CSNK2A2IP: variants seen among roughly 807,000 people sequenced by gnomAD.
CSNK2A2IP encodes the protein casein kinase 2 subunit alpha' interacting protein, also known as casein kinase II subunit alpha'-interacting protein.
the CSNK2A2IP span, among the ~76,000 whole-genome samples, chr3:88,427,447 T>C: frequency 2.0e-5 from 3 of 152,216 alleles, no homozygotes; most frequent in Non-Finnish European, 2.9e-5. Context: ...AGCCAAATGT[T>C]AGTCATCAGG....
the CSNK2A2IP span, among the ~76,000 whole-genome samples, chr3:88,428,150 G>T: frequency 6.6e-6 from 1 of 152,148 alleles, no homozygotes; most frequent in Non-Finnish European, 1.5e-5. Context: ...AGAGCTTTAA[G>T]ATTTGGCTGC....
At chr3:88,369,472 G>A in the CSNK2A2IP span, among the ~76,000 whole-genome samples, 1 of 151,920 alleles carries the variant, frequency 6.6e-6, no homozygotes, top group Non-Finnish European at 1.5e-5. Flanking sequence ...CTGAAAGACT[G>A]CTACAGCGTC....
the CSNK2A2IP span, among the ~76,000 whole-genome samples, chr3:88,412,370 A>G: frequency 6.6e-6 from 1 of 151,954 alleles, no homozygotes; most frequent in Non-Finnish European, 1.5e-5. Flanking sequence ...CATTGGGATC[A>G]TTCTTCTGGA....
chr3:88,443,604 T>C, the CSNK2A2IP span, among the ~76,000 whole-genome samples: 1 of 152,144 alleles, frequency 6.6e-6, no homozygotes, highest in Admixed American at 6.6e-5. Flanking sequence ...AGATGGCCTT[T>C]TATGTCCAGA....
chr3:88,375,831 G>A, the CSNK2A2IP span, among the ~76,000 whole-genome samples: 891 of 151,770 alleles, frequency 5.9e-3, 6 homozygotes, highest in African/African-American at 0.019. Context: ...AAGACACCAT[G>A]CTCTCTTTTT....
chr3:88,437,182 T>C, the CSNK2A2IP span, among the ~76,000 whole-genome samples: 5 of 152,208 alleles, frequency 3.3e-5, no homozygotes, highest in Admixed American at 2.6e-4. Context: ...TTCACACTTA[T>C]GTACATTTTC....
chr3:88,341,806 GTAAC>G, the CSNK2A2IP span, among the ~76,000 whole-genome samples: 4 of 151,922 alleles, frequency 2.6e-5, no homozygotes, highest in East Asian at 5.8e-4. Context: ...TTTCTGAAAA[GTAAC>G]TAGTTGAGAA....
chr3:88,396,837 T>G, the CSNK2A2IP span, among the ~76,000 whole-genome samples: 1 of 152,078 alleles, frequency 6.6e-6, no homozygotes, highest in Admixed American at 6.5e-5. Flanking sequence ...GAGAGGACAG[T>G]TAAGCGGGTA....
At chr3:88,465,352 C>T in the CSNK2A2IP span, 3 of 1,231,232 alleles carry the variant, frequency 2.4e-6, no homozygotes, top group African/African-American at 4.7e-5. Flanking sequence ...TCTACTACAA[C>T]ACAAGATGGT....
the CSNK2A2IP span, among the ~76,000 whole-genome samples, chr3:88,346,211 A>T: frequency 6.6e-6 from 1 of 152,004 alleles, no homozygotes; most frequent in Non-Finnish European, 1.5e-5. Flanking sequence ...TGGTTATAAG[A>T]TTCAAGGAAA....
the CSNK2A2IP span, among the ~76,000 whole-genome samples, chr3:88,375,429 G>C: frequency 6.6e-6 from 1 of 151,756 alleles, no homozygotes; most frequent in African/African-American, 2.4e-5. Flanking sequence ...TAGTATTTTA[G>C]AGGAGAAGTT....
the CSNK2A2IP span, among the ~76,000 whole-genome samples, chr3:88,357,819 A>T: frequency 6.6e-6 from 1 of 151,486 alleles, no homozygotes; most frequent in South Asian, 2.1e-4. Flanking sequence ...CAGTGGCATG[A>T]TCTTGGCTCA....
the CSNK2A2IP span, among the ~76,000 whole-genome samples, chr3:88,344,328 G>A: frequency 7.2e-5 from 11 of 151,890 alleles, no homozygotes; most frequent in South Asian, 6.2e-4. Context: ...TGCAATGAAG[G>A]CATGTGTCTT....
the CSNK2A2IP span, among the ~76,000 whole-genome samples, chr3:88,349,010 C>G: frequency 6.6e-6 from 1 of 151,964 alleles, no homozygotes; most frequent in Admixed American, 6.6e-5. Flanking sequence ...CCACCCTAAT[C>G]CAGGCTCTAT....
At chr3:88,464,146 C>T in the CSNK2A2IP span, among the ~76,000 whole-genome samples, 60 of 139,158 alleles carry the variant, frequency 4.3e-4, no homozygotes, top group African/African-American at 1.4e-3. Context: ...GGGAACATCA[C>T]ACACCGGGGA....
chr3:88,438,650 C>A, the CSNK2A2IP span, among the ~76,000 whole-genome samples: 1 of 152,206 alleles, frequency 6.6e-6, no homozygotes, highest in South Asian at 2.1e-4. Context: ...TCCACTAATT[C>A]TGTAACTGTT....
chr3:88,463,374 C>T, the CSNK2A2IP span, among the ~76,000 whole-genome samples: 1 of 151,428 alleles, frequency 6.6e-6, no homozygotes, highest in Non-Finnish European at 1.5e-5. Flanking sequence ...TAGCATAGGT[C>T]GCTTTGTTGA....
the CSNK2A2IP span, among the ~76,000 whole-genome samples, chr3:88,458,141 G>GTTTT: frequency 1.3e-4 from 11 of 83,304 alleles, 2 homozygotes; most frequent in South Asian, 4.2e-4. Flanking sequence ...TGTAATTGTG[G>GTTTT]TTTTTTTTTT....
the CSNK2A2IP span, among the ~76,000 whole-genome samples, chr3:88,401,813 G>GA: frequency 2.6e-5 from 4 of 151,888 alleles, no homozygotes; most frequent in Non-Finnish European, 4.4e-5. Context: ...AGAACACAGG[G>GA]AAAAAAAGGA....
Sources: allele counts gnomAD v4.1 joint callset (sites outside exome capture counted in the v4.1 genomes callset), GRCh38; gene constraint gnomAD v4.1.1; transcripts MANE v1.5; gene names NCBI Gene and HGNC (gene_info 2026-07-23, HGNC 2026-07-21).